The following NOL4L variants were observed in gnomAD, a reference collection of about 807,000 sequenced individuals.
The protein encoded by NOL4L is nucleolar protein 4 like.
A neutral mutation model predicts 64.5 loss-of-function variants in NOL4L; 7 were observed. The ratio of observed to expected loss-of-function variants is 0.11; its 90% CI spans 0.06 to 0.20. The LOEUF (loss-of-function observed/expected upper bound fraction) is 0.20. Ranked by LOEUF, NOL4L falls within the 10% of genes least tolerant of loss-of-function variation. The pLI is 1.00. For missense variants in NOL4L, 680 were observed against 967.1 expected, an observed-to-expected ratio of 0.70 and a Z score of 3.94; for synonymous variants, 413 against 401.0, an observed-to-expected ratio of 1.03 and a Z score of -0.36.
intron 1 of NOL4L, among the ~76,000 whole-genome samples, chr20:32,556,668 C>T (rs1006014786): frequency 1.3e-5 from 2 of 152,232 alleles, no homozygotes; most frequent in African/African-American, 2.4e-5. Flanking sequence ...GCGAAGGCAT[C>T]TGGTGACACA....
rs1427586792 is a variant in NOL4L at position 32,452,271 on chromosome 20, G to C, written c.1787C>G (p.Pro596Arg). The change falls in exon 10 of 11, where the codon CCC (proline) becomes CGC (arginine). Residue 596 changes from proline to arginine, a missense_variant. By Grantham distance (103) the Pro-to-Arg change is moderately radical (BLOSUM62 -2). Transcript: ENST00000621426. Reference sequence around the variant, plus strand: ...GTTTCCTGTTTGGAGGGAGGCAGGGGGCTGCAGGTTGCTGCTCAAGGCCCC... The same window carrying C: ...GTTTCCTGTTTGGAGGGAGGCAGGGCGCTGCAGGTTGCTGCTCAAGGCCCC... ...GYGALSSNLQ[P>R]PASLQTGNHS... 1 of 1,589,738 alleles carries C rather than the reference G, an allele frequency of 6.3e-7. No individual in the cohort carries two copies. Among genetic ancestry groups the C allele is most frequent in the African/African-American group, 1.3e-5 (1 of 74,298 alleles).
chr20:32,532,489 TG>T, intron 1 of NOL4L: 1 of 457,556 alleles, frequency 2.2e-6, no homozygotes, highest in Non-Finnish European at 2.9e-6. Context: ...CTTGCATCCA[TG>T]GAGGTAATAA....
chr20:32,497,878 T>A (rs1399331214), intron 4 of NOL4L, among the ~76,000 whole-genome samples: 1 of 152,240 alleles, frequency 6.6e-6, no homozygotes, highest in Non-Finnish European at 1.5e-5. Context: ...GCTCCTGACC[T>A]GTGCAAGCTT....
In NOL4L at chr20:32,483,554, C is replaced by A. The variant is rs1265813905; in HGVS notation, c.700-8812G>T. 4 of 968,670 alleles carry A rather than the reference C, an allele frequency of 4.1e-6. No homozygotes were observed. In the East Asian group the frequency reaches 3.8e-4, roughly 92 times the overall value. 60.0% of individuals were successfully genotyped at this position (968,670 alleles called of 1,614,324 possible). ...GGGGTGGCCAGGAGGAGGGCCCAGG[C>A]GAGCAGCGGCGGCAGCGGCGGCGGC... On this transcript the variant is annotated intron_variant, in intron 4 of 10. Coordinates refer to ENST00000621426, the MANE Select transcript of NOL4L (RefSeq NM_001256798.2).
intron 1 of NOL4L, among the ~76,000 whole-genome samples, chr20:32,558,598 C>A (rs116270758): frequency 2.0e-5 from 3 of 152,208 alleles, no homozygotes; most frequent in Non-Finnish European, 4.4e-5. Flanking sequence ...CCCACCACCC[C>A]ACACCACTCA....
chr20:32,567,813 T>C (rs1011136625), intron 1 of NOL4L, among the ~76,000 whole-genome samples: 4 of 151,918 alleles, frequency 2.6e-5, no homozygotes, highest in African/African-American at 9.7e-5. Context: ...CACACTACCA[T>C]CATCACCATC....
At chr20:32,509,283 C>T (rs546853216) in intron 4 of NOL4L, among the ~76,000 whole-genome samples, 3 of 152,068 alleles carry the variant, frequency 2.0e-5, no homozygotes, top group Middle Eastern at 3.4e-3. Context: ...TTTGGGAGGC[C>T]TAGGCAGGCA....
chr20:32,532,760 T>C (rs1188263472), intron 1 of NOL4L, among the ~76,000 whole-genome samples: 1 of 152,198 alleles, frequency 6.6e-6, no homozygotes, highest in Non-Finnish European at 1.5e-5. Flanking sequence ...GTCTCCTGCC[T>C]ATCCCAGCTT....
At chr20:32,525,222 T>C (rs969747880) in intron 2 of NOL4L, among the ~76,000 whole-genome samples, 1 of 152,220 alleles carries the variant, frequency 6.6e-6, no homozygotes, top group Non-Finnish European at 1.5e-5. Context: ...GACCCCTGCC[T>C]TCCTAAACCG....
chr20:32,550,587 A>T (rs2018786976), intron 1 of NOL4L, among the ~76,000 whole-genome samples: 1 of 152,208 alleles, frequency 6.6e-6, no homozygotes, highest in Non-Finnish European at 1.5e-5. Context: ...CTCTACTAAA[A>T]ATACAAAAAA....
At chr20:32,509,716 A>T (rs1480740778) in intron 4 of NOL4L, 2 of 1,238,564 alleles carry the variant, frequency 1.6e-6, no homozygotes, top group Admixed American at 5.2e-5. Flanking sequence ...AGGATTTTTA[A>T]CCAGATCAAA....
At chr20:32,481,060 TCA>T (rs1289708228) in intron 4 of NOL4L, among the ~76,000 whole-genome samples, 1 of 152,170 alleles carries the variant, frequency 6.6e-6, no homozygotes, top group Non-Finnish European at 1.5e-5. Flanking sequence ...TCTCTCTCCC[TCA>T]CACTCACTCA....
intron 1 of NOL4L, among the ~76,000 whole-genome samples, chr20:32,540,728 G>A (rs1026377944): frequency 2.6e-5 from 4 of 152,090 alleles, no homozygotes; most frequent in African/African-American, 9.7e-5. Context: ...TCAATGTTAG[G>A]AGTGAATGTG....
At chr20:32,536,054 C>T (rs761726973) in intron 1 of NOL4L, 1 of 985,750 alleles carries the variant, frequency 1.0e-6, no homozygotes, top group Non-Finnish European at 1.2e-6. Context: ...GCCTCAGTTT[C>T]CCCCTGTGTG....
chr20:32,508,979 C>T (rs2017257513), intron 4 of NOL4L, among the ~76,000 whole-genome samples: 1 of 152,202 alleles, frequency 6.6e-6, no homozygotes, highest in Admixed American at 6.5e-5. Flanking sequence ...AAGGCCTTTG[C>T]ATAAGCTGTT....
chr20:32,456,326 G>T lies in NOL4L; in HGVS notation c.911C>A (p.Thr304Lys). ...CTCGGGGAAGGCAGGGTCGCCCTGCGTGCTGCTCGACGTGGATGGGTTCAG... is the reference window on the plus strand; with the variant it reads ...CTCGGGGAAGGCAGGGTCGCCCTGCTTGCTGCTCGACGTGGATGGGTTCAG... ...STLNPSTSSS[T>K]QGDPAFPEMN... The change falls in exon 6 of 11, where the codon ACG (threonine) becomes AAG (lysine). Residue 304 changes from threonine (T) to lysine (K), a missense_variant. By Grantham distance (78) the Thr-to-Lys change is moderately conservative (BLOSUM62 -1). Coordinates refer to ENST00000621426, the MANE Select transcript of NOL4L (RefSeq NM_001256798.2). 6.4e-7 allele frequency: 1 copy of T among 1,557,668 alleles called. No homozygotes were observed. Among genetic ancestry groups the T allele is most frequent in the Non-Finnish European group, 8.7e-7 (1 of 1,148,410 alleles).
chr20:32,544,899 T>C (rs1312436582), intron 1 of NOL4L, among the ~76,000 whole-genome samples: 1 of 152,178 alleles, frequency 6.6e-6, no homozygotes, highest in Non-Finnish European at 1.5e-5. Flanking sequence ...AGGTGAGTAC[T>C]ATTATTATTC....
chr20:32,462,903 TA>T (rs564168973), intron 5 of NOL4L, among the ~76,000 whole-genome samples: 780 of 76,658 alleles, frequency 0.01, 22 homozygotes, highest in Middle Eastern at 0.063. Context: ...GACTCTGTCT[TA>T]AAAAAAAAAA....
intron 4 of NOL4L, among the ~76,000 whole-genome samples, chr20:32,478,242 TACACACACACAC>T (rs553898145): frequency 4.1e-5 from 6 of 145,062 alleles, no homozygotes; most frequent in Admixed American, 1.4e-4. Flanking sequence ...AGGCTATATT[TACACACACACAC>T]ACACACACAC....
Sources: gnomAD v4.1 joint callset for allele counts (sites outside exome capture counted in the v4.1 genomes callset) on GRCh38, gnomAD v4.1.1 for gene constraint, MANE v1.5 for transcripts, NCBI Gene and HGNC (gene_info 2026-07-23, HGNC 2026-07-21) for gene names.